HDHD5: variants seen among roughly 807,000 people sequenced by gnomAD.
HDHD5 encodes haloacid dehalogenase like hydrolase domain containing 5, also known as haloacid dehalogenase-like hydrolase domain-containing 5.
In HDHD5, 34 loss-of-function variants were observed where a neutral mutation model predicts 35.5. The ratio of observed to expected loss-of-function variants is 0.96; its 90% CI spans 0.73 to 1.28. The LOEUF is 1.28. Among genes scored for constraint, HDHD5 ranks in the 50% most tolerant of loss-of-function variants. The probability of loss-of-function intolerance (pLI) is 0.00; values close to 1 mark genes in which losing one functional copy is unlikely to be tolerated. For synonymous variants in HDHD5, 248 were observed against 240.6 expected, an observed-to-expected ratio of 1.03 and a Z score of -0.29; for missense variants, 589 against 560.2, an observed-to-expected ratio of 1.05 and a Z score of -0.52.
intron 5 of HDHD5, 153 bp downstream of exon 5, chr22:17,142,945 G>C (rs1208660927): frequency 2.9e-6 from 2 of 688,748 alleles, no homozygotes; most frequent in Non-Finnish European, 4.9e-6. Flanking sequence ...CTCAGAGGTG[G>C]TAAGTGGCAG....
At chr22:17,150,564 A>G (rs1034860) in intron 1 of HDHD5, among the ~76,000 whole-genome samples, 132,199 of 150,452 alleles carry the variant, frequency 0.88, 58,239 homozygotes, top group African/African-American at 0.93. Flanking sequence ...TGTCGCCGAG[A>G]CTGGAGTGCA....
Position 17,137,664 on chromosome 22 carries a change from GC to G in HDHD5, c.*356del. 2 of 227,634 alleles carry G rather than the reference GC, an allele frequency of 8.8e-6. No individual in the cohort carries two copies. The highest frequency in any genetic ancestry group is 5.2e-5 in the Admixed American group (1 of 19,366). The allele number at this position is 227,634 out of a possible 1,614,324, so 14.1% of individuals were successfully genotyped here. On this transcript the variant is annotated 3_prime_UTR_variant, in exon 8 of 8. Transcript: ENST00000336737. Reference sequence around the variant, plus strand: ...CTGCATGCCTTCAGTGCCGGCAAAGGCTCTGCACAGACATCCACAGTATTCC... The same window carrying G: ...CTGCATGCCTTCAGTGCCGGCAAAGGTCTGCACAGACATCCACAGTATTCC...
chr22:17,152,613 A>G (rs146128285), intron 1 of HDHD5, among the ~76,000 whole-genome samples: 154 of 152,294 alleles, frequency 1.0e-3, no homozygotes, highest in African/African-American at 3.6e-3. Flanking sequence ...TGGAGACATC[A>G]GCACTGGACA....
intron 5 of HDHD5, chr22:17,141,686 A>G (rs2061602721): frequency 1.3e-5 from 12 of 907,074 alleles, no homozygotes; most frequent in Non-Finnish European, 1.6e-5. Context: ...CCTGGACTCC[A>G]CCGATTCTCC....
Position 17,137,593 on chromosome 22 carries a change from A to G in HDHD5, c.*428T>C, listed in dbSNP as rs2061548341. 6.1e-6 allele frequency: 1 copy of G among 163,848 alleles called. No homozygotes were observed. Among genetic ancestry groups the G allele is most frequent in the Non-Finnish European group, 1.3e-5 (1 of 75,820 alleles). The allele number at this position is 163,848 out of a possible 1,614,324, so 10.1% of individuals were successfully genotyped here. A position where few individuals can be genotyped will look rare whatever the true frequency, so the allele number is the denominator to read the frequency against. Reference sequence around the variant, plus strand: ...CCACATCTCCGGGCAATAAACTACAATACAGTAAAAAGTAGCATCTGGTGT... The same window carrying G: ...CCACATCTCCGGGCAATAAACTACAGTACAGTAAAAAGTAGCATCTGGTGT... On this transcript the variant is annotated 3_prime_UTR_variant, in exon 8 of 8. Coordinates refer to ENST00000336737, the MANE Select transcript of HDHD5 (RefSeq NM_033070.3).
chr22:17,154,300 C>T (rs1206591986), intron 1 of HDHD5, among the ~76,000 whole-genome samples: 3 of 151,452 alleles, frequency 2.0e-5, no homozygotes, highest in Non-Finnish European at 4.4e-5. Flanking sequence ...CTGACCAACA[C>T]GGAGAAACCC....
At chr22:17,157,401 G>GA (rs1318887288) in intron 1 of HDHD5, among the ~76,000 whole-genome samples, 1 of 151,912 alleles carries the variant, frequency 6.6e-6, no homozygotes, top group Non-Finnish European at 1.5e-5. Context: ...GAGTAGCTGG[G>GA]ATTACAAGTA....
In HDHD5 at chr22:17,138,681, G is replaced by A. The variant is rs536639170; in HGVS notation, c.804C>T (p.Gly268=). 2.5e-6 allele frequency: 4 copies of A among 1,614,190 alleles called. No homozygotes were observed. The South Asian group carries it at 4.4e-5, about 18-fold the overall frequency. Residue 268 remains glycine, a synonymous_variant, in exon 7 of 8, where the codon GGC becomes GGT. Transcript: ENST00000336737. ...CLETIYQKVT[G]KELRYEGLMG... is the part of the protein sequence containing the mutation. Reference sequence around the variant, plus strand: ...TCAGGCCCTCGTATCTCAGCTCCTTGCCCGTCACTTTCTGGTAAATGGTTT... The same window carrying A: ...TCAGGCCCTCGTATCTCAGCTCCTTACCCGTCACTTTCTGGTAAATGGTTT...
chr22:17,160,205 G>A (rs535481826), upstream of HDHD5, among the ~76,000 whole-genome samples: 9 of 152,292 alleles, frequency 5.9e-5, no homozygotes, highest in South Asian at 1.9e-3. Context: ...TATGGACAGA[G>A]ACTGCACTAG....
upstream of HDHD5, chr22:17,159,305 C>G (rs1445712457): frequency 1.8e-6 from 2 of 1,125,240 alleles, no homozygotes; most frequent in African/African-American, 3.6e-5. Context: ...CCCCGCGAGT[C>G]CGTCCGCTGC....
intron 3 of HDHD5, among the ~76,000 whole-genome samples, chr22:17,147,731 CTG>C (rs1300947809): frequency 2.7e-5 from 4 of 147,010 alleles, no homozygotes; most frequent in Non-Finnish European, 6.0e-5. Context: ...TGGCGCCCTC[CTG>C]TGAGCTTACC....
chr22:17,165,248 T>C, exon 1 of HDHD5: 1 of 776,736 alleles, frequency 1.3e-6, no homozygotes, highest in Non-Finnish European at 2.4e-6. Flanking sequence ...CATACATGAT[T>C]TAGTCCCCTC....
At position 17,143,139 on chromosome 22, in the gene HDHD5, G is replaced by A. The variant is rs1250435587; in HGVS notation, c.538-8C>T. ...GTCATTCCTCGGGAGGGGCTGCAGA[G>A]AGACAAAGGAGAGGCTATCAACACA... is the stretch of plus-strand genomic sequence containing the variant. On this transcript the variant is annotated splice_region_variant and splice_polypyrimidine_tract_variant and intron_variant, in intron 4 of 7. Coordinates refer to ENST00000336737, the MANE Select transcript of HDHD5 (RefSeq NM_033070.3). The A allele has an allele frequency of 6.2e-7, 1 of 1,607,582 alleles. No homozygotes were observed. The highest frequency in any genetic ancestry group is 1.3e-5 in the African/African-American group (1 of 74,670).
chr22:17,145,146 A>C, intron 3 of HDHD5, 29 bp from the exon 4 acceptor site: 1 of 1,613,488 alleles, frequency 6.2e-7, no homozygotes, highest in South Asian at 1.1e-5. Context: ...GTAATGCTGG[A>C]CAGTTCTTGG....
At chr22:17,159,296 C>CCA (rs1555882061), upstream of HDHD5, 9 of 1,236,924 alleles carry the variant, frequency 7.3e-6, no homozygotes, top group South Asian at 1.7e-5. Flanking sequence ...GCCCCCCCCC[C>CCA]CCGCGAGTCC....
chr22:17,140,027 T>C lies in HDHD5; in HGVS notation c.746+1032A>G, dbSNP rs144887618. On this transcript the variant is annotated intron_variant, in intron 6 of 7. Transcript: ENST00000336737. ...CATACCCGCCTCTAGGAATAATACT[T>C]CAGAGACAATGCCAAGCCTCGAGCC... 7.8e-4 allele frequency among the ~76,000 whole-genome samples: 118 copies of C among 152,244 alleles called. 1 individual carries two copies. The highest frequency in any genetic ancestry group is 3.4e-3 in the Middle Eastern group (1 of 294).
At chr22:17,164,561 A>G (rs1488328401) in intron 1 of HDHD5, among the ~76,000 whole-genome samples, 1 of 152,182 alleles carries the variant, frequency 6.6e-6, no homozygotes. Context: ...TCATGGTCTA[A>G]GATAGCTGCT....
chr22:17,143,306 G>C (rs1306995086), intron 4 of HDHD5, 175 bp from the exon 5 acceptor site: 1 of 605,088 alleles, frequency 1.7e-6, no homozygotes, highest in Non-Finnish European at 2.7e-6. Flanking sequence ...ATGCAAGAAA[G>C]GCGAAAAGAC....
chr22:17,139,538 A>AG (rs1413311942), intron 6 of HDHD5, among the ~76,000 whole-genome samples: 3 of 149,868 alleles, frequency 2.0e-5, no homozygotes, highest in Non-Finnish European at 4.5e-5. Context: ...AAAAAAAAAA[A>AG]CAAACAAACT....
Sources: gnomAD v4.1 joint callset for allele counts (sites outside exome capture counted in the v4.1 genomes callset) on GRCh38, gnomAD v4.1.1 for gene constraint, MANE v1.5 for transcripts, NCBI Gene and HGNC (gene_info 2026-07-23, HGNC 2026-07-21) for gene names.